Variants in AP2A2 observed in about 807,000 individuals in gnomAD.
The protein encoded by AP2A2 is AP-2 complex subunit alpha-2.
In AP2A2, 32 loss-of-function variants were observed where a neutral mutation model predicts 104.2. The ratio of observed to expected loss-of-function variants is 0.31; its 90% CI spans 0.23 to 0.41. The LOEUF is 0.41. AP2A2 is among the 10% of genes least tolerant of loss of function. The probability of loss-of-function intolerance (pLI) is 1.00; values close to 1 mark genes in which losing one functional copy is unlikely to be tolerated. For synonymous variants in AP2A2, 539 were observed against 533.3 expected, an observed-to-expected ratio of 1.01 and a Z score of -0.15; for missense variants, 912 against 1,261.0, an observed-to-expected ratio of 0.72 and a Z score of 4.19.
chr11:956,231 C>T (rs866968488), intron 1 of AP2A2, among the ~76,000 whole-genome samples: 1 of 151,896 alleles, frequency 6.6e-6, no homozygotes, highest in Non-Finnish European at 1.5e-5. Flanking sequence ...TCTGTCATCT[C>T]GCCTCACTGC....
chr11:932,650 C>G (rs1237810709), intron 1 of AP2A2: 4 of 454,968 alleles, frequency 8.8e-6, no homozygotes, highest in Non-Finnish European at 1.8e-5. Flanking sequence ...GGAAATGTGT[C>G]ATGGTGGCTA....
chr11:983,171 C>T (rs963413245), intron 6 of AP2A2, among the ~76,000 whole-genome samples: 1 of 151,262 alleles, frequency 6.6e-6, no homozygotes, highest in Non-Finnish European at 1.5e-5. Context: ...GCCGTCGCCA[C>T]CACGCCCAGT....
chr11:932,212 C>T (rs545825096), intron 1 of AP2A2, among the ~76,000 whole-genome samples: 4 of 152,302 alleles, frequency 2.6e-5, no homozygotes, highest in Admixed American at 2.6e-4. Flanking sequence ...CTCGGCCTCC[C>T]AAAGTGCTGG....
Position 984,617 on chromosome 11 carries a change from G to A in AP2A2, c.706-28G>A, listed in dbSNP as rs12573912. 4,746 of 1,558,834 alleles carry A rather than the reference G, an allele frequency of 3.0e-3. 213 individuals are homozygous for A. In the East Asian group the frequency reaches 0.089, roughly 29 times the overall value. On this transcript the variant is annotated intron_variant, in intron 6 of 21. Transcript: ENST00000448903. ...GCAGTAGGGGCTCGTGTCCGGCAGCGTGTCTCATTGCCTGTGCTGTCTTAC... is the reference window on the plus strand; with the variant it reads ...GCAGTAGGGGCTCGTGTCCGGCAGCATGTCTCATTGCCTGTGCTGTCTTAC...
chr11:960,859 A>G (rs1013626924), intron 2 of AP2A2, among the ~76,000 whole-genome samples: 14 of 151,886 alleles, frequency 9.2e-5, no homozygotes, highest in African/African-American at 2.9e-4. Flanking sequence ...GGGTTTCTCC[A>G]TGTTGGTCAG....
Position 993,815 on chromosome 11 carries a change from G to T in AP2A2, c.1612G>T (p.Ala538Ser). 1 of 1,608,000 alleles carries T rather than the reference G, an allele frequency of 6.2e-7. No homozygotes were observed. Reference protein sequence around the residue: ...KFHLCSVPTRALLLSTYIKFV... With the variant: ...KFHLCSVPTRSLLLSTYIKFV... ...CCACCTGTGCAGCGTCCCCACCCGCGCGCTGCTCCTGTCCACCTACATCAA... is the reference window on the plus strand; with the variant it reads ...CCACCTGTGCAGCGTCCCCACCCGCTCGCTGCTCCTGTCCACCTACATCAA... The change falls in exon 13 of 22, where the codon GCG becomes TCG. Residue 538 changes from alanine (A) to serine (S), a missense_variant. By Grantham distance (99) the Ala-to-Ser change is moderately conservative (BLOSUM62 1). Coordinates refer to ENST00000448903, the MANE Select transcript of AP2A2 (RefSeq NM_012305.4). The surrounding 1 kb of genome is among the most constrained non-coding windows in gnomAD (Gnocchi z 8.2).
chr11:965,414 T>C (rs1258684346), intron 2 of AP2A2, among the ~76,000 whole-genome samples: 1 of 152,220 alleles, frequency 6.6e-6, no homozygotes, highest in African/African-American at 2.4e-5. Flanking sequence ...CGTATTTGTT[T>C]GCCATCAAGA....
rs1463563150 is a variant in AP2A2, at chr11:1,011,990, C to CA, written c.*1366dup. The CA allele has an allele frequency of 6.2e-6, 1 of 161,006 alleles. No homozygotes were observed. Among genetic ancestry groups the CA allele is most frequent in the East Asian group, 1.9e-4 (1 of 5,332 alleles). 10.0% of individuals were successfully genotyped at this position (161,006 alleles called of 1,614,324 possible). ...GGTCTGGTGGTGCCAGGTGCCGTGA[C>CA]ACGCCGTGCTGGGCTTGTGCTGCAG... On this transcript the variant is annotated 3_prime_UTR_variant, in exon 22 of 22. Coordinates refer to ENST00000448903, the MANE Select transcript of AP2A2 (RefSeq NM_012305.4).
Position 960,471 on chromosome 11 carries a change from C to T in AP2A2, c.136+966C>T, listed in dbSNP as rs186353677. The stretch of plus-strand genomic sequence containing the variant: ...CAGGCTGGTCTCAAACTCCTGGCCT[C>T]AAGTGATCTGCCCGCCTCGGCCTCC... On this transcript the variant is annotated intron_variant, in intron 2 of 21. Transcript: ENST00000448903. Among the ~76,000 whole-genome samples the T allele has an allele frequency of 3.3e-3, 508 of 152,282 alleles. 4 individuals carry two copies. The highest frequency in any genetic ancestry group is 0.012 in the African/African-American group (494 of 41,564).
chr11:927,344 C>A (rs115787439), intron 1 of AP2A2, among the ~76,000 whole-genome samples: 1 of 152,004 alleles, frequency 6.6e-6, no homozygotes, highest in Non-Finnish European at 1.5e-5. Flanking sequence ...GGGTTACTGG[C>A]GTGAGCCACG....
At chr11:935,311 C>A (rs2134462019) in intron 1 of AP2A2, among the ~76,000 whole-genome samples, 1 of 152,264 alleles carries the variant, frequency 6.6e-6, no homozygotes, top group African/African-American at 2.4e-5. Flanking sequence ...CTAGCCTCGG[C>A]CTCCCAAAAT....
intron 1 of AP2A2, among the ~76,000 whole-genome samples, chr11:927,888 C>G (rs1271926246): frequency 7.1e-6 from 1 of 141,526 alleles, no homozygotes; most frequent in South Asian, 2.4e-4. Context: ...AGCATTTTTT[C>G]TCTTTGTTTG....
intron 15 of AP2A2, among the ~76,000 whole-genome samples, chr11:1,003,177 C>T (rs572853408): frequency 1.3e-5 from 2 of 152,348 alleles, no homozygotes; most frequent in East Asian, 1.9e-4. Context: ...CCTGGGCTCC[C>T]TGTGCGGTGT....
rs1455103557 is a variant in AP2A2, at chr11:925,925, C to A, written c.-97C>A. Reference sequence around the variant, plus strand: ...GTGGTTAGGCGGCTCCCCGGCGGCTCCTCCGCGGCGGTGACGGCGACCGCA... The same window carrying A: ...GTGGTTAGGCGGCTCCCCGGCGGCTACTCCGCGGCGGTGACGGCGACCGCA... On this transcript the variant is annotated 5_prime_UTR_variant, in exon 1 of 22. Transcript: ENST00000448903. The A allele has an allele frequency of 1.1e-5, 11 of 969,736 alleles. No individual in the cohort carries two copies. In the East Asian group the frequency reaches 3.2e-4, roughly 28 times the overall value. The allele number at this position is 969,736 out of a possible 1,614,324, so 60.1% of individuals were successfully genotyped here. A position where few individuals can be genotyped will look rare whatever the true frequency, so the allele number is the denominator to read the frequency against.
At chr11:947,832 C>G (rs1049616209) in intron 1 of AP2A2, among the ~76,000 whole-genome samples, 3 of 152,096 alleles carry the variant, frequency 2.0e-5, no homozygotes, top group African/African-American at 7.2e-5. Context: ...GAGATGTGCC[C>G]TTATAGTCCC....
intron 1 of AP2A2, among the ~76,000 whole-genome samples, chr11:937,550 G>A (rs1247885562): frequency 1.3e-5 from 2 of 152,198 alleles, no homozygotes; most frequent in Non-Finnish European, 2.9e-5. Flanking sequence ...TGAGGCTGCA[G>A]CGAGCCACGT....
chr11:927,320 C>T (rs1853152100), intron 1 of AP2A2, among the ~76,000 whole-genome samples: 1 of 152,110 alleles, frequency 6.6e-6, no homozygotes, highest in Non-Finnish European at 1.5e-5. Flanking sequence ...CTGTCTTGGC[C>T]TCCCAAAGTC....
chr11:969,203 G>T (rs1268934363), intron 2 of AP2A2, among the ~76,000 whole-genome samples: 2 of 147,324 alleles, frequency 1.4e-5, no homozygotes, highest in Non-Finnish European at 3.0e-5. Flanking sequence ...AGAAACTCCT[G>T]GCAATGTAGA....
intron 20 of AP2A2, 99 bp downstream of exon 20, chr11:1,009,496 C>G: frequency 1.5e-6 from 2 of 1,327,624 alleles, no homozygotes; most frequent in Non-Finnish European, 1.0e-6. Flanking sequence ...CCCATGACCC[C>G]GCGCCAGGGT....
Sources: allele counts gnomAD v4.1 joint callset (sites outside exome capture counted in the v4.1 genomes callset), GRCh38; gene constraint gnomAD v4.1.1; non-coding constraint Gnocchi (gnomAD v3.1); transcripts MANE v1.5; gene names NCBI Gene and HGNC (gene_info 2026-07-23, HGNC 2026-07-21).